The following CLSTN2 variants were observed in gnomAD, a reference collection of about 807,000 sequenced individuals.
CLSTN2 encodes the protein calsyntenin 2.
Under a neutral mutation model 101.2 loss-of-function variants are expected in CLSTN2, and 48 were observed. The ratio of observed to expected loss-of-function variants is 0.47; its 90% CI spans 0.38 to 0.60. CLSTN2 has a LOEUF of 0.60. Ranked by LOEUF, CLSTN2 falls within the 20% of genes least tolerant of loss-of-function variation. The pLI is 0.00. For synonymous variants in CLSTN2, 481 were observed against 463.6 expected (o/e 1.04, Z -0.48); for missense variants, 1,160 against 1,238.2 (o/e 0.94, Z 0.95).
intron 1 of CLSTN2, among the ~76,000 whole-genome samples, chr3:139,979,995 T>C (rs1312801100): frequency 6.6e-6 from 1 of 152,034 alleles, no homozygotes; most frequent in Non-Finnish European, 1.5e-5. Context: ...TAGGAAATCC[T>C]GTGAATTCAA....
rs1320109541 is a variant in CLSTN2, at chr3:140,572,714, CTG to C, written c.*6464_*6465del. On this transcript the variant is annotated 3_prime_UTR_variant, in exon 17 of 17. Transcript: ENST00000458420. Reference sequence around the variant, plus strand: ...ATGAGAAGCTCTGGAGGCAGGCAGTCTGTGATTTAATGAGCTTTCTGACACAC... The same window carrying C: ...ATGAGAAGCTCTGGAGGCAGGCAGTCTGATTTAATGAGCTTTCTGACACAC... 5.3e-5 allele frequency: 8 copies of C among 152,262 alleles called. No homozygotes were observed. Among genetic ancestry groups the C allele is most frequent in the African/African-American group, 1.7e-4 (7 of 41,448 alleles). 9.4% of individuals were successfully genotyped at this position (152,262 alleles called of 1,614,324 possible).
At chr3:140,208,035 A>AT (rs890851089) in intron 2 of CLSTN2, among the ~76,000 whole-genome samples, 2 of 152,212 alleles carry the variant, frequency 1.3e-5, no homozygotes, top group African/African-American at 2.4e-5. Context: ...TGTCTGCCAG[A>AT]TTTTTTGCAA....
chr3:140,485,356 G>T (rs571378689), intron 8 of CLSTN2, among the ~76,000 whole-genome samples: 3 of 152,246 alleles, frequency 2.0e-5, no homozygotes, highest in Non-Finnish European at 4.4e-5. Context: ...TGAGGTGTCA[G>T]TCGGCCCCTA....
At chr3:140,339,610 G>C (rs1354428893) in intron 2 of CLSTN2, among the ~76,000 whole-genome samples, 1 of 152,114 alleles carries the variant, frequency 6.6e-6, no homozygotes, top group African/African-American at 2.4e-5. Context: ...ATCCAACCTG[G>C]TGGTGTGCTA....
intron 2 of CLSTN2, among the ~76,000 whole-genome samples, chr3:140,250,292 C>T (rs533221653): frequency 1.2e-4 from 19 of 152,232 alleles, no homozygotes; most frequent in African/African-American, 3.6e-4. Context: ...TAGAGTAAAC[C>T]GGATATGGTC....
chr3:140,126,910 G>A (rs1315475954), intron 1 of CLSTN2, among the ~76,000 whole-genome samples: 1 of 152,078 alleles, frequency 6.6e-6, no homozygotes, highest in Admixed American at 6.5e-5. Flanking sequence ...CCATCGTGGG[G>A]TGGGTTGCAA....
intron 2 of CLSTN2, among the ~76,000 whole-genome samples, chr3:140,201,946 T>C (rs1300679662): frequency 6.6e-6 from 1 of 152,022 alleles, no homozygotes; most frequent in Non-Finnish European, 1.5e-5. Context: ...ACTGTGAAGA[T>C]GATATTGAGC....
intron 2 of CLSTN2, among the ~76,000 whole-genome samples, chr3:140,216,837 C>G (rs1383909208): frequency 6.6e-6 from 1 of 152,170 alleles, no homozygotes; most frequent in Non-Finnish European, 1.5e-5. Context: ...GCAGAAAAAC[C>G]TGGGAAACTA....
chr3:140,432,486 T>C (rs2088642616), intron 5 of CLSTN2, among the ~76,000 whole-genome samples: 1 of 152,196 alleles, frequency 6.6e-6, no homozygotes, highest in East Asian at 1.9e-4. Context: ...GCTCCGGAGT[T>C]TGCAGCTGCT....
chr3:140,037,563 C>G (rs1047129452), intron 1 of CLSTN2, among the ~76,000 whole-genome samples: 1 of 146,412 alleles, frequency 6.8e-6, no homozygotes, highest in African/African-American at 2.6e-5. Context: ...TTTCATTCAA[C>G]TTTTATTTTA....
chr3:140,180,679 T>A (rs375279238), intron 2 of CLSTN2, among the ~76,000 whole-genome samples: 1 of 152,132 alleles, frequency 6.6e-6, no homozygotes, highest in Non-Finnish European at 1.5e-5. Flanking sequence ...TTTGTCTACA[T>A]TGGGCCAGTC....
intron 1 of CLSTN2, among the ~76,000 whole-genome samples, chr3:139,947,708 C>T (rs957717504): frequency 5.3e-5 from 8 of 152,084 alleles, no homozygotes; most frequent in Non-Finnish European, 1.0e-4. Flanking sequence ...ATTATTTTGA[C>T]TTTATTGTGC....
chr3:140,165,080 A>C (rs1166150252), intron 1 of CLSTN2, among the ~76,000 whole-genome samples: 2 of 152,232 alleles, frequency 1.3e-5, no homozygotes, highest in Non-Finnish European at 2.9e-5. Context: ...ATACTTTTTC[A>C]ATCCAATTAA....
At chr3:140,415,505 AAAAAAC>A (rs1440620654) in intron 4 of CLSTN2, among the ~76,000 whole-genome samples, 4 of 151,250 alleles carry the variant, frequency 2.6e-5, no homozygotes, top group African/African-American at 9.7e-5. Flanking sequence ...AAAAAAAAAA[AAAAAAC>A]AAACTGATTT....
chr3:140,274,948 T>G (rs2086780410), intron 2 of CLSTN2, among the ~76,000 whole-genome samples: 3 of 152,194 alleles, frequency 2.0e-5, no homozygotes, highest in Admixed American at 2.0e-4. Context: ...TAGTCCTCAG[T>G]GTTCATCACC....
At chr3:140,499,880 C>G (rs954980367) in intron 8 of CLSTN2, among the ~76,000 whole-genome samples, 1 of 151,988 alleles carries the variant, frequency 6.6e-6, no homozygotes, top group Admixed American at 6.6e-5. Flanking sequence ...CTGGCTAACA[C>G]GGTGAAACCC....
At chr3:140,428,716 C>T (rs545317777) in intron 5 of CLSTN2, among the ~76,000 whole-genome samples, 1 of 152,286 alleles carries the variant, frequency 6.6e-6, no homozygotes, top group East Asian at 1.9e-4. Context: ...ATAAGATATC[C>T]TATTTAAAAG....
At chr3:140,233,184 T>C (rs2086385882) in intron 2 of CLSTN2, among the ~76,000 whole-genome samples, 1 of 152,152 alleles carries the variant, frequency 6.6e-6, no homozygotes, top group Non-Finnish European at 1.5e-5. Flanking sequence ...GACTCAAGTC[T>C]CTGGTTCTGC....
intron 8 of CLSTN2, chr3:140,506,829 G>T (rs1426504699): frequency 1.3e-5 from 2 of 152,136 alleles, no homozygotes; most frequent in African/African-American, 4.8e-5. Flanking sequence ...ATTGGAAAGA[G>T]TACAAAAACA....
Sources: gnomAD v4.1 joint callset for allele counts (sites outside exome capture counted in the v4.1 genomes callset) on GRCh38, gnomAD v4.1.1 for gene constraint, MANE v1.5 for transcripts, NCBI Gene and HGNC (gene_info 2026-07-23, HGNC 2026-07-21) for gene names.